The following ZNF33A variants were observed in gnomAD, a reference collection of about 807,000 sequenced individuals.
ZNF33A encodes brain my041 protein.
A neutral mutation model predicts 15.9 loss-of-function variants in ZNF33A; 9 were observed. That is an observed-to-expected ratio of 0.57 (90% confidence interval 0.34 to 0.99). The LOEUF is 0.99. Ranked by LOEUF, ZNF33A falls within the 50% of genes least tolerant of loss-of-function variation. ZNF33A has a pLI of 0.02. For missense variants in ZNF33A, 843 were observed against 941.6 expected (o/e 0.90, Z 1.37); for synonymous variants, 294 against 324.2 (o/e 0.91, Z 1.00).
chr10:38,041,737 C>A (rs552409628), intron 4 of ZNF33A, among the ~76,000 whole-genome samples: 1 of 152,218 alleles, frequency 6.6e-6, no homozygotes, highest in Non-Finnish European at 1.5e-5. Flanking sequence ...TGTAAACATT[C>A]CAAAATTTGG....
Position 38,057,150 on chromosome 10 carries a change from A to G in ZNF33A, c.*590A>G, listed in dbSNP as rs2135780552. 1.1e-6 allele frequency: 1 copy of G among 879,798 alleles called. No homozygotes were observed. The highest frequency in any genetic ancestry group is 1.2e-4 in the East Asian group (1 of 8,358). 54.5% of individuals were successfully genotyped at this position (879,798 alleles called of 1,614,324 possible). On this transcript the variant is annotated 3_prime_UTR_variant, in exon 5 of 5. Coordinates refer to ENST00000432900, the MANE Select transcript of ZNF33A (RefSeq NM_006954.2). ...TACGTGTATGTGTGTGTGTGTGGTT[A>G]TATCAAACTTTTACGACTTTTACAT... is the stretch of plus-strand genomic sequence containing the variant.
At chr10:38,066,467 C>G (rs1269912697), downstream of ZNF33A, among the ~76,000 whole-genome samples, 2 of 151,702 alleles carry the variant, frequency 1.3e-5, no homozygotes. Context: ...TTGGCCAGGC[C>G]GGTCTTGAAT....
downstream of ZNF33A, among the ~76,000 whole-genome samples, chr10:38,065,644 C>A (rs75886892): frequency 1.9e-4 from 29 of 152,088 alleles, 1 homozygote; most frequent in East Asian, 5.4e-3. Context: ...GCTTTCCTTC[C>A]GCACCACCAA....
downstream of ZNF33A, chr10:38,064,399 C>T (rs528725022): frequency 1.2e-5 from 5 of 405,562 alleles, no homozygotes; most frequent in East Asian, 2.0e-4. Flanking sequence ...GTCCTTGGAG[C>T]TGCTGTCCTC....
chr10:38,033,403 T>A (rs2065297960), intron 4 of ZNF33A, among the ~76,000 whole-genome samples: 2 of 152,340 alleles, frequency 1.3e-5, no homozygotes, highest in South Asian at 4.1e-4. Flanking sequence ...TTATGAATAA[T>A]TCTGCTGTAA....
intron 4 of ZNF33A, among the ~76,000 whole-genome samples, chr10:38,023,135 G>A (rs1410656263): frequency 6.6e-6 from 1 of 152,022 alleles, no homozygotes; most frequent in Non-Finnish European, 1.5e-5. Flanking sequence ...TAGTAGAGAC[G>A]GGGTTTCACC....
intron 4 of ZNF33A, among the ~76,000 whole-genome samples, chr10:38,050,678 A>T (rs1359430222): frequency 6.6e-6 from 1 of 152,266 alleles, no homozygotes; most frequent in African/African-American, 2.4e-5. Flanking sequence ...AGCAGCAGCA[A>T]ACTCACAAAC....
chr10:38,034,099 G>A (rs1290907788), intron 4 of ZNF33A, among the ~76,000 whole-genome samples: 2 of 152,150 alleles, frequency 1.3e-5, no homozygotes, highest in Non-Finnish European at 2.9e-5. Flanking sequence ...ATGACTTATA[G>A]AAAAATTGGG....
chr10:38,022,102 C>T (rs569629909), intron 4 of ZNF33A, among the ~76,000 whole-genome samples: 6 of 151,956 alleles, frequency 3.9e-5, no homozygotes, highest in Non-Finnish European at 8.8e-5. Flanking sequence ...CAAAATAAAA[C>T]CTCTGTTAAG....
At chr10:38,013,215 A>G (rs929895464) in intron 2 of ZNF33A, among the ~76,000 whole-genome samples, 2 of 152,046 alleles carry the variant, frequency 1.3e-5, no homozygotes, top group African/African-American at 4.8e-5. Flanking sequence ...GGTTCAAGCG[A>G]TTCTCTTGCC....
chr10:38,056,888 T>C lies in ZNF33A; in HGVS notation c.*328T>C. On this transcript the variant is annotated 3_prime_UTR_variant, in exon 5 of 5. Coordinates refer to ENST00000432900, the MANE Select transcript of ZNF33A (RefSeq NM_006954.2). ...TTTTAGGGCACCTAACAATAATTTA[T>C]AGATGTATATTGTGGAATGTAAAGC... 3 of 996,970 alleles carry C rather than the reference T, an allele frequency of 3.0e-6. No homozygotes were observed. The highest frequency in any genetic ancestry group is 3.6e-6 in the Non-Finnish European group (3 of 827,952). 61.8% of individuals were successfully genotyped at this position (996,970 alleles called of 1,614,324 possible).
At chr10:38,018,994 T>TTTATC (rs2064600885) in intron 4 of ZNF33A, among the ~76,000 whole-genome samples, 1 of 151,980 alleles carries the variant, frequency 6.6e-6, no homozygotes, top group Non-Finnish European at 1.5e-5. Flanking sequence ...TTTATTTTAT[T>TTTATC]ATTATTATAC....
intron 2 of ZNF33A, among the ~76,000 whole-genome samples, chr10:38,012,846 G>A (rs377120189): frequency 1.3e-5 from 2 of 152,130 alleles, no homozygotes; most frequent in Non-Finnish European, 2.9e-5. Context: ...GTTGAGCTTC[G>A]TATGTTTCTT....
At chr10:38,029,501 A>G (rs1407602189) in intron 4 of ZNF33A, among the ~76,000 whole-genome samples, 1 of 152,222 alleles carries the variant, frequency 6.6e-6, no homozygotes, top group Non-Finnish European at 1.5e-5. Context: ...CTGATTTGGC[A>G]TTCACTTGGT....
In ZNF33A at chr10:38,057,030, T is replaced by TATA. The variant is rs1370512013; in HGVS notation, c.*471_*473dup. 1 of 717,068 alleles carries TATA rather than the reference T, an allele frequency of 1.4e-6. No homozygotes were observed. The highest frequency in any genetic ancestry group is 6.2e-5 in the Admixed American group (1 of 16,096). 44.4% of individuals were successfully genotyped at this position (717,068 alleles called of 1,614,324 possible). On this transcript the variant is annotated 3_prime_UTR_variant, in exon 5 of 5. Coordinates refer to ENST00000432900, the MANE Select transcript of ZNF33A (RefSeq NM_006954.2). ...CTCTAAGGATAATGTATAATCATAG[T>TATA]ATATGGTCAAGTCCAAGAAATCGAT...
At chr10:38,015,926 T>C (rs1230483397) in intron 2 of ZNF33A, 2 of 1,112,064 alleles carry the variant, frequency 1.8e-6, no homozygotes, top group Admixed American at 8.5e-5. Flanking sequence ...GTAATTTCAG[T>C]ATATGCTCAT....
At chr10:38,052,454 T>C (rs1361213373) in intron 4 of ZNF33A, among the ~76,000 whole-genome samples, 1 of 152,026 alleles carries the variant, frequency 6.6e-6, no homozygotes, top group African/African-American at 2.4e-5. Context: ...CAGAGAGAAA[T>C]TGAAGACCTA....
chr10:38,031,395 AC>A (rs1282292685), intron 4 of ZNF33A, among the ~76,000 whole-genome samples: 1 of 151,596 alleles, frequency 6.6e-6, no homozygotes, highest in East Asian at 1.9e-4. Flanking sequence ...CATGGTGAAA[AC>A]CCATCTCTAC....
intron 4 of ZNF33A, among the ~76,000 whole-genome samples, chr10:38,032,948 A>G (rs1399979399): frequency 1.3e-5 from 2 of 152,050 alleles, no homozygotes; most frequent in Non-Finnish European, 2.9e-5. Flanking sequence ...GGGTTTCACC[A>G]TGTTGGCCAG....
Sources: allele counts gnomAD v4.1 joint callset (sites outside exome capture counted in the v4.1 genomes callset), GRCh38; gene constraint gnomAD v4.1.1; transcripts MANE v1.5; gene names NCBI Gene and HGNC (gene_info 2026-07-23, HGNC 2026-07-21).